Variants in ADAMTS17 observed in about 807,000 individuals in gnomAD.
The protein encoded by ADAMTS17 is ADAM metallopeptidase with thrombospondin type 1 motif 17.
A neutral mutation model predicts 141.5 loss-of-function variants in ADAMTS17; 113 were observed. The ratio of observed to expected loss-of-function variants is 0.80; its 90% CI spans 0.69 to 0.93. The LOEUF (loss-of-function observed/expected upper bound fraction) is 0.93, where lower values mean the gene tolerates loss of function less well. Among genes scored for constraint, ADAMTS17 ranks in the 40% least tolerant of loss-of-function variants. The pLI, the probability that ADAMTS17 is intolerant of heterozygous loss-of-function variation, is 0.00. For synonymous variants in ADAMTS17, 768 were observed against 630.6 expected (o/e 1.22, Z -3.27); for missense variants, 1,659 against 1,517.9 (o/e 1.09, Z -1.54).
intron 15 of ADAMTS17, among the ~76,000 whole-genome samples, chr15:100,095,783 T>C (rs926011481): frequency 1.3e-5 from 2 of 152,088 alleles, no homozygotes; most frequent in African/African-American, 4.8e-5. Flanking sequence ...AGCAGAAAGA[T>C]GAAGCCGGCC....
chr15:100,081,503 T>C (rs1029823987), intron 15 of ADAMTS17, among the ~76,000 whole-genome samples: 3 of 152,214 alleles, frequency 2.0e-5, no homozygotes, highest in Admixed American at 6.5e-5. Context: ...GTGAATTATA[T>C]GGCATGTGAA....
In ADAMTS17 at chr15:100,217,533, AG is replaced by A. The variant is rs548699354; in HGVS notation, c.1076-18111del. Among the ~76,000 whole-genome samples the A allele has an allele frequency of 6.6e-3, 1,000 of 152,280 alleles. 6 individuals carry two copies. Among genetic ancestry groups the A allele is most frequent in the Non-Finnish European group, 0.011 (770 of 68,012 alleles). On this transcript the variant is annotated intron_variant, in intron 7 of 21. Transcript: ENST00000268070. ...AGAATCGCTTGAATCCGGGAGGCGGAGGCTGCAGTGAGCCGAGATCATGCCA... is the reference window on the plus strand; with the variant it reads ...AGAATCGCTTGAATCCGGGAGGCGGAGCTGCAGTGAGCCGAGATCATGCCA...
At chr15:100,206,219 T>A (rs1461120399) in intron 7 of ADAMTS17, among the ~76,000 whole-genome samples, 1 of 152,176 alleles carries the variant, frequency 6.6e-6, no homozygotes, top group Non-Finnish European at 1.5e-5. Context: ...AAAAGCCCTG[T>A]CTTCTAGCAT....
Position 100,070,912 on chromosome 15 carries a change from T to C in ADAMTS17, c.2138-16858A>G, listed in dbSNP as rs191019476. Among the ~76,000 whole-genome samples the C allele has an allele frequency of 1.7e-3, 251 of 149,376 alleles. 19 individuals carry two copies. The highest frequency in any genetic ancestry group is 6.0e-3 in the African/African-American group (244 of 40,372). The stretch of plus-strand genomic sequence containing the variant: ...AAGATCAGAGCAGAACTGAAGGAAA[T>C]AGAGACACAAAAAACCCTTCAAAAA... On this transcript the variant is annotated intron_variant, in intron 15 of 21. Transcript: ENST00000268070.
At chr15:100,258,660 ATTGG>A (rs750683943) in intron 6 of ADAMTS17, among the ~76,000 whole-genome samples, 11 of 27,044 alleles carry the variant, frequency 4.1e-4, no homozygotes, top group African/African-American at 4.0e-3. Context: ...CCACGATTCT[ATTGG>A]TCCCTCCCAC....
chr15:100,322,027 C>T (rs987753419), intron 3 of ADAMTS17, among the ~76,000 whole-genome samples: 8 of 152,096 alleles, frequency 5.3e-5, no homozygotes, highest in African/African-American at 1.9e-4. Flanking sequence ...TGCTCAAAAG[C>T]TTCTAATAAA....
chr15:99,985,749 C>T (rs2060572617), intron 20 of ADAMTS17, among the ~76,000 whole-genome samples: 1 of 152,200 alleles, frequency 6.6e-6, no homozygotes, highest in Non-Finnish European at 1.5e-5. Flanking sequence ...TCAGCTTGCT[C>T]ATCTGTAAAA....
chr15:100,089,213 C>T (rs955189351), intron 15 of ADAMTS17, among the ~76,000 whole-genome samples: 1 of 146,524 alleles, frequency 6.8e-6, no homozygotes, highest in Non-Finnish European at 1.5e-5. Flanking sequence ...GACATTTATG[C>T]AGCCAAAAAA....
intron 18 of ADAMTS17, among the ~76,000 whole-genome samples, chr15:100,006,424 G>A (rs890942831): frequency 6.6e-6 from 1 of 152,214 alleles, no homozygotes; most frequent in Non-Finnish European, 1.5e-5. Context: ...TAAAGGCCTT[G>A]TGAGGTCTGC....
Position 100,109,282 on chromosome 15 carries a change from C to T in ADAMTS17, c.1889-166G>A, listed in dbSNP as rs563474654. Among the ~76,000 whole-genome samples, 12 of 66,618 alleles carry T rather than the reference C, an allele frequency of 1.8e-4. No homozygotes were observed. In the South Asian group the frequency reaches 7.1e-3, roughly 39 times the overall value. The allele number at this position is 66,618 out of a possible 152,430, so 43.7% of individuals were successfully genotyped here. A position where few individuals can be genotyped will look rare whatever the true frequency, so the allele number is the denominator to read the frequency against. ...GCTCCAGGAAGCGGAAAAAGACCCA[C>T]AGCCACAGGGGAAGACAGTGCAGGA... On this transcript the variant is annotated intron_variant, in intron 13 of 21. Transcript: ENST00000268070.
chr15:100,163,730 T>C (rs915597009), intron 8 of ADAMTS17, among the ~76,000 whole-genome samples: 1 of 152,210 alleles, frequency 6.6e-6, no homozygotes, highest in African/African-American at 2.4e-5. Flanking sequence ...GTATGAAGGA[T>C]GTAGACAGAC....
intron 14 of ADAMTS17, among the ~76,000 whole-genome samples, chr15:100,097,157 ACT>A (rs998495110): frequency 5.9e-5 from 9 of 151,938 alleles, no homozygotes; most frequent in African/African-American, 1.2e-4. Flanking sequence ...AAGGTTTTGG[ACT>A]CTTTTTTTCT....
chr15:100,272,756 A>G (rs1046514346), intron 4 of ADAMTS17, among the ~76,000 whole-genome samples: 21 of 150,882 alleles, frequency 1.4e-4, no homozygotes, highest in African/African-American at 5.1e-4. Flanking sequence ...AAAAGCAGGC[A>G]CTCTTGCCTT....
chr15:100,074,247 G>T (rs2034205397), intron 15 of ADAMTS17: 1 of 152,378 alleles, frequency 6.6e-6, no homozygotes, highest in African/African-American at 2.4e-5. Flanking sequence ...AAATATTCCT[G>T]GAGAGAATGT....
intron 18 of ADAMTS17, among the ~76,000 whole-genome samples, chr15:100,036,742 C>T (rs1173455598): frequency 6.6e-6 from 1 of 152,162 alleles, no homozygotes; most frequent in Non-Finnish European, 1.5e-5. Context: ...TTCCATCCCT[C>T]TCCCTCCTCA....
intron 3 of ADAMTS17, among the ~76,000 whole-genome samples, chr15:100,293,120 C>G (rs1344666555): frequency 1.3e-5 from 2 of 152,200 alleles, no homozygotes; most frequent in Non-Finnish European, 2.9e-5. Context: ...TCTGTGTGTT[C>G]CAAGTCGGTA....
chr15:100,163,174 C>T (rs1021828278), intron 8 of ADAMTS17, among the ~76,000 whole-genome samples: 4 of 151,918 alleles, frequency 2.6e-5, no homozygotes, highest in African/African-American at 7.3e-5. Context: ...CATCTCCATA[C>T]ATTTACAAGA....
chr15:100,135,345 G>A (rs948709132), intron 10 of ADAMTS17, among the ~76,000 whole-genome samples: 6 of 150,992 alleles, frequency 4.0e-5, no homozygotes, highest in Non-Finnish European at 5.9e-5. Context: ...GTGCAGTAGC[G>A]TGATCTCGGC....
intron 18 of ADAMTS17, among the ~76,000 whole-genome samples, chr15:100,011,275 AGGGAGGGAAGTAAAGGAGGAGGGAG>A (rs1476526979): frequency 7.6e-4 from 21 of 27,592 alleles, no homozygotes; most frequent in South Asian, 1.5e-3. Context: ...GGAAGGAAGA[AGGGAGGGAAGTAAAGGAGGAGGGAG>A]GGGAGGGAAG....
Sources: gnomAD v4.1 joint callset for allele counts (sites outside exome capture counted in the v4.1 genomes callset) on GRCh38, gnomAD v4.1.1 for gene constraint, MANE v1.5 for transcripts, NCBI Gene and HGNC (gene_info 2026-07-23, HGNC 2026-07-21) for gene names.